The following HYDIN variants were observed in gnomAD, a reference collection of about 807,000 sequenced individuals.
HYDIN encodes the protein HYDIN axonemal central pair apparatus protein.
HYDIN carries 132 observed loss-of-function variants against 403.9 expected under a neutral mutation model. The ratio of observed to expected loss-of-function variants is 0.33; its 90% CI spans 0.28 to 0.38. HYDIN has a LOEUF of 0.38. Ranked by LOEUF, HYDIN falls within the 10% of genes least tolerant of loss-of-function variation. The probability of loss-of-function intolerance (pLI) is 1.00; values close to 1 mark genes in which losing one functional copy is unlikely to be tolerated. For synonymous variants in HYDIN, 1,202 were observed against 1,891.7 expected (o/e 0.64, Z 9.46); for missense variants, 2,827 against 5,009.5 (o/e 0.56, Z 13.15).
chr16:70,947,784 T>C lies in HYDIN; in HGVS notation c.6532-3835A>G, dbSNP rs11075825. 7.2e-5 allele frequency among the ~76,000 whole-genome samples: 11 copies of C among 152,066 alleles called. No homozygotes were observed. The East Asian group carries it at 1.4e-3, about 19-fold the overall frequency. On this transcript the variant is annotated intron_variant, in intron 41 of 85. Transcript: ENST00000393567. Reference sequence around the variant, plus strand: ...GGACCTCTTCAAGGAGAACTACAAATCACTGCTCAAGGAAATTAAAGAGGA... The same window carrying C: ...GGACCTCTTCAAGGAGAACTACAAACCACTGCTCAAGGAAATTAAAGAGGA...
chr16:70,877,133 C>T (rs931646089), intron 62 of HYDIN, among the ~76,000 whole-genome samples: 2 of 148,280 alleles, frequency 1.3e-5, no homozygotes, highest in African/African-American at 5.2e-5. Context: ...GAAGACAGGT[C>T]AAAAGAAATT....
chr16:71,032,398 TTAATA>T (rs1467013759), intron 18 of HYDIN, among the ~76,000 whole-genome samples: 11 of 151,750 alleles, frequency 7.2e-5, no homozygotes, highest in African/African-American at 1.4e-4. Flanking sequence ...ACCAATTTCA[TTAATA>T]TAATATAAGA....
intron 38 of HYDIN, among the ~76,000 whole-genome samples, chr16:70,961,707 A>C (rs1164411145): frequency 1.3e-5 from 2 of 151,984 alleles, no homozygotes; most frequent in African/African-American, 4.8e-5. Context: ...TCAGGCCTTC[A>C]TTTAGTCTAG....
chr16:70,927,668 T>C (rs1454164534), intron 45 of HYDIN, among the ~76,000 whole-genome samples: 1 of 152,230 alleles, frequency 6.6e-6, no homozygotes, highest in East Asian at 1.9e-4. Flanking sequence ...TTGAATACTT[T>C]CCTGGGCAAA....
Position 70,970,383 on chromosome 16 carries a change from G to A in HYDIN, c.5619+137C>T, listed in dbSNP as rs28695820. On this transcript the variant is annotated intron_variant, in intron 36 of 85. Transcript: ENST00000393567. ...AGCTTTTCAATTAGTTGCTTAAAAT[G>A]TCTAGGATTTTACTCAGGTCAAGGG... 6.5e-3 allele frequency: 3,367 copies of A among 519,748 alleles called. 103 individuals carry two copies. Among genetic ancestry groups the A allele is most frequent in the African/African-American group, 0.06 (2,898 of 48,620 alleles). The allele number at this position is 519,748 out of a possible 1,614,324, so 32.2% of individuals were successfully genotyped here. A position where few individuals can be genotyped will look rare whatever the true frequency, so the allele number is the denominator to read the frequency against.
chr16:71,196,976 G>C (rs2087726461), intron 1 of HYDIN, among the ~76,000 whole-genome samples: 1 of 152,132 alleles, frequency 6.6e-6, no homozygotes, highest in Non-Finnish European at 1.5e-5. Context: ...TCTGCCTATG[G>C]GGTAGCCATT....
At chr16:70,858,978 C>A (rs1256737821) in intron 71 of HYDIN, among the ~76,000 whole-genome samples, 7 of 151,910 alleles carry the variant, frequency 4.6e-5, no homozygotes, top group Middle Eastern at 3.4e-3. Flanking sequence ...GAACTAGCTA[C>A]CAGCATGTAA....
intron 1 of HYDIN, among the ~76,000 whole-genome samples, chr16:71,211,693 CCACA>C (rs2088604484): frequency 2.0e-5 from 3 of 149,736 alleles, no homozygotes; most frequent in Non-Finnish European, 4.4e-5. Flanking sequence ...TCATTCAAGA[CCACA>C]AAGAATAAGA....
intron 45 of HYDIN, among the ~76,000 whole-genome samples, chr16:70,928,330 C>A (rs541140027): frequency 6.6e-6 from 1 of 152,282 alleles, no homozygotes; most frequent in Non-Finnish European, 1.5e-5. Flanking sequence ...GTGGTGCACG[C>A]CTGCAGTCCC....
chr16:70,922,136 C>T (rs566644544), intron 45 of HYDIN, among the ~76,000 whole-genome samples: 156 of 152,310 alleles, frequency 1.0e-3, no homozygotes, highest in South Asian at 3.5e-3. Flanking sequence ...CAGGGGCTGG[C>T]TTTTCCCCTC....
intron 1 of HYDIN, among the ~76,000 whole-genome samples, chr16:71,226,037 T>C (rs1323473679): frequency 6.6e-6 from 1 of 152,176 alleles, no homozygotes; most frequent in Non-Finnish European, 1.5e-5. Context: ...CCAGCAGATA[T>C]TTTTGGAGAT....
intron 2 of HYDIN, 22 bp downstream of exon 2, chr16:71,186,739 T>G (rs368822396): frequency 6.3e-7 from 1 of 1,597,222 alleles, no homozygotes; most frequent in African/African-American, 1.3e-5. Context: ...GTATTTTACA[T>G]ATTAATTCCC....
At chr16:70,895,769 C>T (rs1051555695) in intron 54 of HYDIN, among the ~76,000 whole-genome samples, 1 of 152,012 alleles carries the variant, frequency 6.6e-6, no homozygotes, top group African/African-American at 2.4e-5. Flanking sequence ...AATTTTACAC[C>T]TATGACCACC....
At position 70,829,832 on chromosome 16, in the gene HYDIN, T is replaced by A; in HGVS notation, c.13900-2A>T. 1 of 1,613,728 alleles carries A rather than the reference T, an allele frequency of 6.2e-7. No homozygotes were observed. The highest frequency in any genetic ancestry group is 8.5e-7 in the Non-Finnish European group (1 of 1,179,752). On this transcript the variant is annotated splice_acceptor_variant, in intron 80 of 85. Transcript: ENST00000393567. LOFTEE classifies it high-confidence loss of function. ...CACCTGGCACGTGAAATTCACTACC[T>A]GGAAGAAAGCAGGCACCTCATCTTC...
At chr16:71,168,564 T>C (rs2086339757) in intron 5 of HYDIN, among the ~76,000 whole-genome samples, 1 of 151,110 alleles carries the variant, frequency 6.6e-6, no homozygotes. Flanking sequence ...GTAGGCCAGG[T>C]CGGTAGGGTG....
At chr16:71,026,908 A>G (rs2080724005) in intron 20 of HYDIN, among the ~76,000 whole-genome samples, 2 of 152,198 alleles carry the variant, frequency 1.3e-5, no homozygotes, top group East Asian at 1.9e-4. Context: ...TTAAGCAAGC[A>G]TCATTTCTCA....
rs938500189 is a variant in HYDIN, at chr16:71,170,929, G to C, written c.516+4678C>G. On this transcript the variant is annotated intron_variant, in intron 5 of 85. Transcript: ENST00000393567. ...TTTGAAAAGGTGGGTGATGACAGCA[G>C]AAAGTAGAAAGACACTCTGCTGTTC... 3.9e-5 allele frequency among the ~76,000 whole-genome samples: 6 copies of C among 152,194 alleles called. No homozygotes were observed. In the South Asian group the frequency reaches 8.3e-4, roughly 21 times the overall value.
At chr16:71,170,859 G>T (rs1597939385) in intron 5 of HYDIN, among the ~76,000 whole-genome samples, 1 of 152,140 alleles carries the variant, frequency 6.6e-6, no homozygotes, top group African/African-American at 2.4e-5. Context: ...AATCTACTGG[G>T]GGAAGGGGCA....
At chr16:71,031,291 C>A (rs2080900234) in intron 19 of HYDIN, 2 of 181,310 alleles carry the variant, frequency 1.1e-5, no homozygotes, top group African/African-American at 5.1e-5. Context: ...TAGGTATGTT[C>A]TGCTTAGGTT....
Sources: gnomAD v4.1 joint callset for allele counts (sites outside exome capture counted in the v4.1 genomes callset) on GRCh38, gnomAD v4.1.1 for gene constraint, MANE v1.5 for transcripts, NCBI Gene and HGNC (gene_info 2026-07-23, HGNC 2026-07-21) for gene names.